R3HDM2: variants seen among roughly 807,000 people sequenced by gnomAD.
R3HDM2 encodes the protein R3H domain containing 2.
R3HDM2 carries 38 observed loss-of-function variants against 124.5 expected under a neutral mutation model. The observed-to-expected ratio is 0.31, with a 90% CI of 0.24 to 0.40. R3HDM2 has a LOEUF of 0.40. Ranked by LOEUF, R3HDM2 falls within the 10% of genes least tolerant of loss-of-function variation. The pLI, the probability that R3HDM2 is intolerant of heterozygous loss-of-function variation, is 1.00. For synonymous variants in R3HDM2, 391 were observed against 448.0 expected, an observed-to-expected ratio of 0.87 and a Z score of 1.61; for missense variants, 869 against 1,236.9, an observed-to-expected ratio of 0.70 and a Z score of 4.46.
chr12:57,390,206 A>G (rs960905471), intron 2 of R3HDM2, among the ~76,000 whole-genome samples: 2 of 151,960 alleles, frequency 1.3e-5, no homozygotes, highest in Admixed American at 6.6e-5. Flanking sequence ...AAAAAGAAAA[A>G]ATATATGAAA....
intron 2 of R3HDM2, among the ~76,000 whole-genome samples, chr12:57,333,841 G>A (rs182122336): frequency 7.4e-4 from 113 of 152,050 alleles, no homozygotes; most frequent in African/African-American, 2.6e-3. Context: ...AGGAGTTCGA[G>A]ACCAGCCTGG....
intron 19 of R3HDM2, among the ~76,000 whole-genome samples, chr12:57,262,644 G>A (rs142648366): frequency 2.3e-3 from 356 of 152,282 alleles, no homozygotes; most frequent in Middle Eastern, 0.02. Context: ...AGAAGGGCAG[G>A]CAACTGTCCT....
intron 2 of R3HDM2, among the ~76,000 whole-genome samples, chr12:57,356,363 T>C (rs1053444278): frequency 6.6e-6 from 1 of 152,214 alleles, no homozygotes; most frequent in African/African-American, 2.4e-5. Context: ...TCATAGGTTA[T>C]TTTTTCAGTC....
At position 57,414,008 on chromosome 12, in the gene R3HDM2, G is replaced by C. The variant is rs1468173810; in HGVS notation, c.-106+16712C>G. On this transcript the variant is annotated intron_variant, in intron 1 of 23. Coordinates refer to ENST00000402412, the MANE Select transcript of R3HDM2 (RefSeq NM_001394031.1). ...TTACAGGCACACACCACCATACCCAGCTAAATTTTTTTGTATTTTTAGTAG... is the reference window on the plus strand; with the variant it reads ...TTACAGGCACACACCACCATACCCACCTAAATTTTTTTGTATTTTTAGTAG... 2.0e-5 allele frequency among the ~76,000 whole-genome samples: 3 copies of C among 150,646 alleles called. No homozygotes were observed. In the South Asian group the frequency reaches 6.4e-4, roughly 32 times the overall value.
Position 57,331,748 on chromosome 12 carries a change from G to A in R3HDM2, c.-35-21285C>T, listed in dbSNP as rs563360592. Among the ~76,000 whole-genome samples, 683 of 151,678 alleles carry A rather than the reference G, an allele frequency of 4.5e-3. 6 individuals carry two copies. Among genetic ancestry groups the A allele is most frequent in the Middle Eastern group, 6.8e-3 (2 of 294 alleles). ...GCTAACACGGTGAAACCCCGTCTCC[G>A]CTAAAAATACAAAAAATTAGCCGGG... is the stretch of plus-strand genomic sequence containing the variant. On this transcript the variant is annotated intron_variant, in intron 2 of 23. Transcript: ENST00000402412.
At chr12:57,362,814 TTTTTA>T (rs945336422) in intron 2 of R3HDM2, among the ~76,000 whole-genome samples, 13 of 152,250 alleles carry the variant, frequency 8.5e-5, no homozygotes, top group African/African-American at 1.2e-4. Context: ...CATTATTTTA[TTTTTA>T]TTTTATTTTA....
chr12:57,394,912 T>G (rs1451137811), intron 2 of R3HDM2, among the ~76,000 whole-genome samples: 1 of 152,174 alleles, frequency 6.6e-6, no homozygotes, highest in Non-Finnish European at 1.5e-5. Context: ...TTTATCTACT[T>G]TATAAAAAAT....
intron 1 of R3HDM2, chr12:57,418,408 G>C (rs764303293): frequency 4.5e-6 from 4 of 883,682 alleles, no homozygotes; most frequent in Non-Finnish European, 5.4e-6. Context: ...TGCGCAGGCT[G>C]CCGTTGGTCT....
intron 1 of R3HDM2, among the ~76,000 whole-genome samples, chr12:57,408,359 A>G (rs2068714693): frequency 1.3e-5 from 2 of 152,150 alleles, no homozygotes; most frequent in South Asian, 4.1e-4. Context: ...GAGCCACCGC[A>G]CCTGCAATTC....
At chr12:57,428,280 C>G (rs1368114178) in intron 1 of R3HDM2, among the ~76,000 whole-genome samples, 1 of 151,964 alleles carries the variant, frequency 6.6e-6, no homozygotes, top group Non-Finnish European at 1.5e-5. Context: ...CAAGGAACAG[C>G]CAGAGGCCAG....
chr12:57,403,266 G>A (rs1398189449), intron 1 of R3HDM2, among the ~76,000 whole-genome samples: 4 of 152,060 alleles, frequency 2.6e-5, no homozygotes, highest in African/African-American at 9.7e-5. Context: ...GGCCGAGGTA[G>A]GTGGATCACG....
At chr12:57,362,586 G>C (rs1168006131) in intron 2 of R3HDM2, among the ~76,000 whole-genome samples, 1 of 152,008 alleles carries the variant, frequency 6.6e-6, no homozygotes, top group Non-Finnish European at 1.5e-5. Context: ...TGACTGCATG[G>C]GCAGTCAGTA....
chr12:57,360,049 T>A (rs4760325), intron 2 of R3HDM2, among the ~76,000 whole-genome samples: 14,436 of 49,668 alleles, frequency 0.29, 678 homozygotes, highest in African/African-American at 0.34. Context: ...ATATATATAT[T>A]TTTTTTTTTT....
At chr12:57,344,768 T>C (rs2059922152) in intron 2 of R3HDM2, among the ~76,000 whole-genome samples, 1 of 151,740 alleles carries the variant, frequency 6.6e-6, no homozygotes, top group Non-Finnish European at 1.5e-5. Flanking sequence ...TCAACAGAGG[T>C]ATCAAATGTG....
At chr12:57,315,072 G>A (rs953642837) in intron 2 of R3HDM2, among the ~76,000 whole-genome samples, 21 of 149,988 alleles carry the variant, frequency 1.4e-4, no homozygotes, top group African/African-American at 4.4e-4. Flanking sequence ...ACAGAGTCTC[G>A]CTCTGTCACT....
chr12:57,371,185 C>A (rs185418429), intron 2 of R3HDM2, among the ~76,000 whole-genome samples: 4 of 142,044 alleles, frequency 2.8e-5, no homozygotes, highest in African/African-American at 1.1e-4. Context: ...CTCTTCAGTG[C>A]CTAAATGATT....
intron 19 of R3HDM2, among the ~76,000 whole-genome samples, chr12:57,262,450 T>C (rs985706469): frequency 2.0e-5 from 3 of 152,216 alleles, no homozygotes; most frequent in African/African-American, 7.2e-5. Flanking sequence ...ATCATTTTAA[T>C]GGGAGAAGTC....
chr12:57,370,886 A>C (rs577481009), intron 2 of R3HDM2, among the ~76,000 whole-genome samples: 66 of 152,184 alleles, frequency 4.3e-4, no homozygotes, highest in African/African-American at 1.5e-3. Context: ...GAAATATGGG[A>C]TTTATGCAAC....
chr12:57,262,965 GA>G (rs1188074545), intron 19 of R3HDM2, among the ~76,000 whole-genome samples: 1 of 152,170 alleles, frequency 6.6e-6, no homozygotes, highest in Non-Finnish European at 1.5e-5. Context: ...AGACGATAAA[GA>G]GGGATTCTCC....
Sources: allele counts gnomAD v4.1 joint callset (sites outside exome capture counted in the v4.1 genomes callset), GRCh38; gene constraint gnomAD v4.1.1; transcripts MANE v1.5; gene names NCBI Gene and HGNC (gene_info 2026-07-23, HGNC 2026-07-21).